TRIM39: variants seen among roughly 807,000 people sequenced by gnomAD.
TRIM39 encodes the protein tripartite motif containing 39, also known as E3 ubiquitin-protein ligase TRIM39.
TRIM39 carries 5 observed loss-of-function variants against 53.6 expected under a neutral mutation model. The ratio of observed to expected loss-of-function variants is 0.09; its 90% CI spans 0.05 to 0.20. TRIM39 has a LOEUF of 0.20. Ranked by LOEUF, TRIM39 falls within the 10% of genes least tolerant of loss-of-function variation. The pLI, the probability that TRIM39 is intolerant of heterozygous loss-of-function variation, is 1.00. For synonymous variants in TRIM39, 196 were observed against 237.6 expected (o/e 0.82, Z 1.61); for missense variants, 310 against 621.0 (o/e 0.50, Z 5.32).
intron 6 of TRIM39, 171 bp from the exon 7 acceptor site, chr6:30,340,333 CT>C (rs779062428): frequency 6.2e-7 from 1 of 1,613,004 alleles, no homozygotes; most frequent in Non-Finnish European, 8.5e-7. Flanking sequence ...TCATAAGGCT[CT>C]CCTTGGATTA....
intron 4 of TRIM39, among the ~76,000 whole-genome samples, chr6:30,334,296 A>G (rs1786589771): frequency 1.1e-5 from 1 of 93,046 alleles, no homozygotes; most frequent in Non-Finnish European, 2.0e-5. Context: ...CAGTCACATG[A>G]TGCTTGGGGA....
intron 3 of TRIM39, among the ~76,000 whole-genome samples, chr6:30,330,293 C>A (rs139916002): frequency 6.6e-6 from 1 of 152,310 alleles, no homozygotes; most frequent in African/African-American, 2.4e-5. Context: ...ATAAAGGGAA[C>A]AGAGATATGA....
At chr6:30,336,202 G>A (rs2127402290) in intron 5 of TRIM39, 1 of 735,670 alleles carries the variant, frequency 1.4e-6, no homozygotes, top group East Asian at 2.7e-5. Flanking sequence ...TGCTTAATCT[G>A]TTCCAAAGAA....
chr6:30,329,967 TTCTC>T (rs1305586642), intron 3 of TRIM39, among the ~76,000 whole-genome samples, 197 bp downstream of exon 3: 1 of 152,232 alleles, frequency 6.6e-6, no homozygotes, highest in Non-Finnish European at 1.5e-5. Context: ...GCCCTAAAAT[TTCTC>T]TCTGACTTTT....
intron 2 of TRIM39, 83 bp from the exon 3 acceptor site, chr6:30,329,228 C>A: frequency 7.0e-7 from 1 of 1,432,842 alleles, no homozygotes. Context: ...GGATAAATGT[C>A]GGGTCAGGGA....
exon 1 of TRIM39, chr6:30,326,614 G>C (rs910440151): frequency 6.6e-6 from 1 of 152,414 alleles, no homozygotes; most frequent in Non-Finnish European, 1.5e-5. Context: ...TCGCCGGCCG[G>C]GGCGCCAGTC....
In TRIM39 at chr6:30,338,345, CAT is replaced by C. The variant is rs1219813442; in HGVS notation, c.781-1562_781-1561del. Among the ~76,000 whole-genome samples, 2 of 151,934 alleles carry C rather than the reference CAT, an allele frequency of 1.3e-5. No homozygotes were observed. The highest frequency in any genetic ancestry group is 6.6e-5 in the Admixed American group (1 of 15,244). ...TTAGGTTTTGATTTAAAGTGAGAGACATGTGATTCTTCTTTCACATGAACACT... is the reference window on the plus strand; with the variant it reads ...TTAGGTTTTGATTTAAAGTGAGAGACGTGATTCTTCTTTCACATGAACACT... On this transcript the variant is annotated intron_variant, in intron 5 of 7. Transcript: ENST00000396551. The surrounding 1 kb of genome is among the most constrained non-coding windows in gnomAD (Gnocchi z 4.0).
chr6:30,336,594 C>G (rs1786891507), intron 5 of TRIM39, among the ~76,000 whole-genome samples: 1 of 152,144 alleles, frequency 6.6e-6, no homozygotes, highest in African/African-American at 2.4e-5. Flanking sequence ...TCAACTCTTC[C>G]TTTTATGAAA....
exon 4 of TRIM39, chr6:30,330,810 G>T: frequency 1.2e-6 from 2 of 1,614,192 alleles, no homozygotes; most frequent in Non-Finnish European, 1.7e-6. Context: ...TGGAGCCCCT[G>T]GAACAGAAGC....
rs1437768791 is a variant in TRIM39, at chr6:30,342,986, CA to C, written c.*728del. On this transcript the variant is annotated 3_prime_UTR_variant, in exon 8 of 8. Transcript: ENST00000396551. The surrounding 1 kb of genome is among the most constrained non-coding windows in gnomAD (Gnocchi z 4.7). ...CCCAGGTCCCTGCCTCAGCCTTCAG[CA>C]GAGTTGGCTTATTGCCTGCCTCTAT... The C allele has an allele frequency of 6.5e-6, 1 of 152,758 alleles. No individual in the cohort carries two copies. Among genetic ancestry groups the C allele is most frequent in the Non-Finnish European group, 1.5e-5 (1 of 68,174 alleles). The allele number at this position is 152,758 out of a possible 1,614,324, so 9.5% of individuals were successfully genotyped here.
At chr6:30,329,069 G>A (rs1055857744) in intron 2 of TRIM39, 28 bp downstream of exon 2, 1 of 528,894 alleles carries the variant, frequency 1.9e-6, no homozygotes, top group East Asian at 3.2e-5. Flanking sequence ...TCAATTGGGG[G>A]TTGTGTGTCA....
intron 1 of TRIM39, chr6:30,327,587 G>A (rs1785524211): frequency 6.6e-6 from 1 of 152,354 alleles, no homozygotes; most frequent in Non-Finnish European, 1.5e-5. Flanking sequence ...GACTGTAGTT[G>A]AGAGTCCTCT....
At chr6:30,340,376 G>T (rs777926649) in intron 6 of TRIM39, 129 bp from the exon 7 acceptor site, 17 of 1,612,086 alleles carry the variant, frequency 1.1e-5, no homozygotes, top group Non-Finnish European at 1.4e-5. Flanking sequence ...GCTTTTCAGG[G>T]AGGAGGAAGA....
chr6:30,329,354 G>GCAGCCTCTA (rs752438047), exon 3 of TRIM39: 10 of 1,612,184 alleles, frequency 6.2e-6, no homozygotes, highest in Non-Finnish European at 8.5e-6. Context: ...TGGGGCCTCT[G>GCAGCCTCTA]CAGCCTCTAC....
At position 30,339,495 on chromosome 6, in the gene TRIM39, G is replaced by A. The variant is rs948626933; in HGVS notation, c.781-413G>A. 5.9e-5 allele frequency among the ~76,000 whole-genome samples: 9 copies of A among 152,052 alleles called. No individual in the cohort carries two copies. Among genetic ancestry groups the A allele is most frequent in the South Asian group, 2.1e-4 (1 of 4,826 alleles). On this transcript the variant is annotated intron_variant, in intron 5 of 7. Transcript: ENST00000396551. This position sits in a 1 kb window ranked among gnomAD's most constrained non-coding sequence, Gnocchi z 4.2. Reference sequence around the variant, plus strand: ...AATGCAAGACAGGGGATACCAAACCGTAACAGGAATGTGTGATTTGTTCCT... The same window carrying A: ...AATGCAAGACAGGGGATACCAAACCATAACAGGAATGTGTGATTTGTTCCT...
Position 30,342,543 on chromosome 6 carries a change from CAGGA to C in TRIM39, c.*293_*296del, listed in dbSNP as rs1272355708. ...GGTTTTCTGTTGCACAAGGACGGGT[CAGGA>C]AGGAAGGAGAGGCTTTTCCAGAAAC... is the stretch of plus-strand genomic sequence containing the variant. On this transcript the variant is annotated 3_prime_UTR_variant, in exon 8 of 8. Coordinates refer to ENST00000396551, the Ensembl canonical transcript of TRIM39. The surrounding 1 kb of genome is among the most constrained non-coding windows in gnomAD (Gnocchi z 4.7). The C allele has an allele frequency of 2.9e-5, 15 of 525,260 alleles. No homozygotes were observed. Among genetic ancestry groups the C allele is most frequent in the Non-Finnish European group, 4.7e-5 (14 of 296,854 alleles). 32.5% of individuals were successfully genotyped at this position (525,260 alleles called of 1,614,324 possible).
Position 30,336,486 on chromosome 6 carries a change from AG to A in TRIM39, c.780+514del, listed in dbSNP as rs1231279605. 4.6e-5 allele frequency among the ~76,000 whole-genome samples: 7 copies of A among 152,304 alleles called. No homozygotes were observed. The East Asian group carries it at 1.3e-3, about 29-fold the overall frequency. On this transcript the variant is annotated intron_variant, in intron 5 of 7. Coordinates refer to ENST00000396551, the Ensembl canonical transcript of TRIM39. ...AGTGGAATCATATTTTTGCTGGTGG[AG>A]GGTCTTGTGTTAGTATTGACTGATC...
At chr6:30,341,938 C>G in exon 8 of TRIM39, 1 of 1,613,052 alleles carries the variant, frequency 6.2e-7, no homozygotes, top group Non-Finnish European at 8.5e-7. Context: ...TATGCCGGGA[C>G]TCCGTGAGCC....
At chr6:30,328,736 G>A (rs1399478584) in intron 1 of TRIM39, among the ~76,000 whole-genome samples, 153 bp from the exon 2 acceptor site, 2 of 152,142 alleles carry the variant, frequency 1.3e-5, no homozygotes, top group Admixed American at 6.5e-5. Context: ...AAGCCAAAAG[G>A]TTGGATATTG....
Sources: gnomAD v4.1 joint callset for allele counts (sites outside exome capture counted in the v4.1 genomes callset) on GRCh38, gnomAD v4.1.1 for gene constraint, Gnocchi (gnomAD v3.1) non-coding constraint, MANE v1.5 for transcripts, NCBI Gene and HGNC (gene_info 2026-07-23, HGNC 2026-07-21) for gene names.